Variants in SAMD5 observed in about 807,000 individuals in gnomAD.
SAMD5 encodes the protein sterile alpha motif domain-containing protein 5.
SAMD5 carries 13 observed loss-of-function variants against 11.3 expected under a neutral mutation model. The observed-to-expected ratio is 1.15, with a 90% CI of 0.75 to 1.83. The LOEUF (loss-of-function observed/expected upper bound fraction) is 1.83, where lower values mean the gene tolerates loss of function less well. Ranked by LOEUF, SAMD5 falls within the 40% of genes most tolerant of loss-of-function variation. SAMD5 has a pLI of 0.00. For synonymous variants in SAMD5, 129 were observed against 111.3 expected (o/e 1.16, Z -1.00); for missense variants, 255 against 239.1 (o/e 1.07, Z -0.44).
chr6:147,702,714 C>T (rs764707128), intron 1 of SAMD5, among the ~76,000 whole-genome samples: 1 of 152,122 alleles, frequency 6.6e-6, no homozygotes, highest in Non-Finnish European at 1.5e-5. Flanking sequence ...TTACTGAGTG[C>T]TCCTAATACT....
At chr6:147,572,310 T>G (rs1583089940), downstream of SAMD5, among the ~76,000 whole-genome samples, 1 of 152,230 alleles carries the variant, frequency 6.6e-6, no homozygotes, top group African/African-American at 2.4e-5. Context: ...GGAAGTTCAC[T>G]TTATGGTGTG....
chr6:147,892,363 A>C, the SAMD5 span, among the ~76,000 whole-genome samples: 1 of 152,186 alleles, frequency 6.6e-6, no homozygotes, highest in Non-Finnish European at 1.5e-5. Context: ...TTATTCACTG[A>C]TTGTGAATTT....
chr6:147,909,621 TTTC>T, the SAMD5 span, among the ~76,000 whole-genome samples: 1 of 64,310 alleles, frequency 1.6e-5, no homozygotes, highest in African/African-American at 9.8e-5. Flanking sequence ...TCTTTCTTTC[TTTC>T]TTTCTTTCTC....
chr6:147,528,245 C>T (rs903252590), intron 1 of SAMD5, among the ~76,000 whole-genome samples: 3 of 152,278 alleles, frequency 2.0e-5, no homozygotes, highest in Admixed American at 2.0e-4. Flanking sequence ...TATTAGTTTG[C>T]TATGCCTGCC....
the SAMD5 span, among the ~76,000 whole-genome samples, chr6:147,925,285 C>T: frequency 6.6e-6 from 1 of 152,128 alleles, no homozygotes; most frequent in African/African-American, 2.4e-5. Context: ...AATCCAACTG[C>T]AAGTTAAAAA....
intron 1 of SAMD5, among the ~76,000 whole-genome samples, chr6:147,591,207 T>C (rs976393277): frequency 4.0e-5 from 6 of 151,866 alleles, no homozygotes; most frequent in Non-Finnish European, 5.9e-5. Flanking sequence ...TCTCTTAAAA[T>C]CAACCATTTC....
chr6:147,777,355 G>C, the SAMD5 span, among the ~76,000 whole-genome samples: 1 of 152,096 alleles, frequency 6.6e-6, no homozygotes, highest in Non-Finnish European at 1.5e-5. Flanking sequence ...CCACTCCACT[G>C]TCATTTCTCA....
At chr6:147,906,187 GA>G in the SAMD5 span, among the ~76,000 whole-genome samples, 1 of 152,180 alleles carries the variant, frequency 6.6e-6, no homozygotes, top group Non-Finnish European at 1.5e-5. Context: ...ATTTTTACTT[GA>G]ATTTTTGCTG....
At chr6:147,873,241 G>T in the SAMD5 span, among the ~76,000 whole-genome samples, 9 of 152,198 alleles carry the variant, frequency 5.9e-5, no homozygotes, top group South Asian at 6.2e-4. Context: ...GCTGGGCGTG[G>T]TGGTGCACGC....
At chr6:147,509,503 T>C in intron 1 of SAMD5, 116 bp downstream of exon 1, 1 of 870,344 alleles carries the variant, frequency 1.1e-6, no homozygotes, top group Non-Finnish European at 1.7e-6. Flanking sequence ...CCAGGAGGCT[T>C]TGGGTATCTG....
At chr6:147,685,140 C>T (rs1447326799) in intron 1 of SAMD5, among the ~76,000 whole-genome samples, 1 of 152,124 alleles carries the variant, frequency 6.6e-6, no homozygotes, top group Non-Finnish European at 1.5e-5. Flanking sequence ...ATGGCTTATT[C>T]CTCCATACTT....
At chr6:147,584,292 C>T (rs893480105) in intron 1 of SAMD5, among the ~76,000 whole-genome samples, 2 of 152,152 alleles carry the variant, frequency 1.3e-5, no homozygotes, top group Admixed American at 6.5e-5. Flanking sequence ...TGATGTTAAC[C>T]AAGCACTTGC....
chr6:147,754,838 C>G, the SAMD5 span, among the ~76,000 whole-genome samples: 1 of 151,828 alleles, frequency 6.6e-6, no homozygotes, highest in African/African-American at 2.4e-5. Context: ...TGGTATATGT[C>G]CTGGACACCT....
In SAMD5 at chr6:147,631,734, T is replaced by A. The variant is rs1790155737; in HGVS notation, c.163-105583T>A. ...TTTTAGTTTCCTGACTCAGGGCATG[T>A]GAGTAAAGTCAATTTGCCAGTCCTG... On this transcript the variant is annotated intron_variant, in intron 1 of 1. Coordinates refer to the SAMD5 transcript ENST00000566741. Among the ~76,000 whole-genome samples the A allele has an allele frequency of 2.0e-5, 3 of 152,052 alleles. 1 individual carries two copies. Among genetic ancestry groups the A allele is most frequent in the Admixed American group, 2.0e-4 (3 of 15,252 alleles).
intron 1 of SAMD5, among the ~76,000 whole-genome samples, chr6:147,660,247 T>C (rs904168260): frequency 1.3e-5 from 2 of 152,208 alleles, no homozygotes; most frequent in Non-Finnish European, 2.9e-5. Flanking sequence ...TATCTCTTCA[T>C]ATTCTACCAT....
At chr6:147,589,708 T>C (rs1269729434) in intron 1 of SAMD5, among the ~76,000 whole-genome samples, 4 of 152,202 alleles carry the variant, frequency 2.6e-5, no homozygotes, top group African/African-American at 9.6e-5. Flanking sequence ...AACACATTGA[T>C]AAATATAGTC....
At chr6:147,919,372 G>GT in the SAMD5 span, among the ~76,000 whole-genome samples, 1 of 152,074 alleles carries the variant, frequency 6.6e-6, no homozygotes, top group Non-Finnish European at 1.5e-5. Context: ...GGGCCGTCAT[G>GT]TTTTTTTAAT....
At chr6:147,863,820 CA>C in the SAMD5 span, among the ~76,000 whole-genome samples, 3 of 143,996 alleles carry the variant, frequency 2.1e-5, no homozygotes, top group African/African-American at 7.6e-5. Flanking sequence ...TTCATCATTT[CA>C]CTTTGATTTC....
downstream of SAMD5, among the ~76,000 whole-genome samples, chr6:147,573,978 A>G (rs1427349538): frequency 6.6e-6 from 1 of 151,994 alleles, no homozygotes; most frequent in African/African-American, 2.4e-5. Flanking sequence ...CAAAAACAAA[A>G]TTAGCCGGGC....
Sources: allele counts gnomAD v4.1 joint callset (sites outside exome capture counted in the v4.1 genomes callset), GRCh38; gene constraint gnomAD v4.1.1; transcripts MANE v1.5; gene names NCBI Gene and HGNC (gene_info 2026-07-23, HGNC 2026-07-21).